ERP44: variants seen among roughly 807,000 people sequenced by gnomAD.
ERP44 encodes the protein endoplasmic reticulum resident protein 44.
ERP44 carries 25 observed loss-of-function variants against 53.4 expected under a neutral mutation model. The observed-to-expected ratio is 0.47, with a 90% CI of 0.34 to 0.65. The LOEUF (loss-of-function observed/expected upper bound fraction) is 0.65, where lower values mean the gene tolerates loss of function less well. Among genes scored for constraint, ERP44 ranks in the 30% least tolerant of loss-of-function variants. The pLI is 0.01. For missense variants in ERP44, 338 were observed against 493.2 expected, an observed-to-expected ratio of 0.69 and a Z score of 2.98; for synonymous variants, 145 against 161.2, an observed-to-expected ratio of 0.90 and a Z score of 0.76.
At chr9:100,093,636 C>G (rs1826587913) in intron 1 of ERP44, among the ~76,000 whole-genome samples, 1 of 151,590 alleles carries the variant, frequency 6.6e-6, no homozygotes, top group African/African-American at 2.4e-5. Context: ...CAGCAAGACC[C>G]TGTCTGTGGG....
intron 1 of ERP44, among the ~76,000 whole-genome samples, chr9:100,090,022 T>C (rs1826532776): frequency 1.3e-5 from 2 of 152,190 alleles, no homozygotes; most frequent in Non-Finnish European, 2.9e-5. Context: ...AACATTGTAA[T>C]ACTTTTGTTG....
intron 8 of ERP44, among the ~76,000 whole-genome samples, chr9:100,012,967 G>T (rs1830490278): frequency 6.6e-6 from 1 of 152,104 alleles, no homozygotes; most frequent in Non-Finnish European, 1.5e-5. Flanking sequence ...GTTGGAAATG[G>T]CAATGGACGC....
chr9:100,089,306 G>A (rs117342655), intron 1 of ERP44, among the ~76,000 whole-genome samples: 7 of 152,190 alleles, frequency 4.6e-5, no homozygotes, highest in East Asian at 1.9e-4. Context: ...GAGGCCAGGC[G>A]TGGTGGCTCA....
At chr9:100,096,391 G>T (rs575748866) in intron 1 of ERP44, among the ~76,000 whole-genome samples, 1 of 151,324 alleles carries the variant, frequency 6.6e-6, no homozygotes, top group South Asian at 2.1e-4. Flanking sequence ...CTATATAGAC[G>T]CAAATAAATA....
chr9:100,026,899 A>C (rs879878185), intron 4 of ERP44, among the ~76,000 whole-genome samples: 1 of 152,196 alleles, frequency 6.6e-6, no homozygotes, highest in Non-Finnish European at 1.5e-5. Context: ...CCTGTGTCCT[A>C]AGTATCAGTA....
At chr9:100,062,371 T>C (rs1009633799) in intron 1 of ERP44, among the ~76,000 whole-genome samples, 25 of 152,192 alleles carry the variant, frequency 1.6e-4, no homozygotes, top group Non-Finnish European at 3.5e-4. Flanking sequence ...TATCAATGTC[T>C]TAATAACAGA....
At chr9:100,067,996 C>T (rs1482318200) in intron 1 of ERP44, among the ~76,000 whole-genome samples, 1 of 150,356 alleles carries the variant, frequency 6.7e-6, no homozygotes, top group Non-Finnish European at 1.5e-5. Flanking sequence ...GGTCAGCCCC[C>T]GCCAGGCCAG....
At chr9:100,068,524 G>C (rs1398663757) in intron 1 of ERP44, among the ~76,000 whole-genome samples, 1 of 131,130 alleles carries the variant, frequency 7.6e-6, no homozygotes, top group Admixed American at 7.5e-5. Flanking sequence ...GGAGGTGGGG[G>C]TTCAGCCCCC....
intron 4 of ERP44, among the ~76,000 whole-genome samples, chr9:100,034,382 C>T (rs569532908): frequency 6.6e-6 from 1 of 152,218 alleles, no homozygotes; most frequent in South Asian, 2.1e-4. Flanking sequence ...CTAAAAAAGG[C>T]AGGAAGTTCC....
chr9:100,037,952 G>GA (rs1237971588), intron 4 of ERP44, among the ~76,000 whole-genome samples: 4 of 152,040 alleles, frequency 2.6e-5, no homozygotes, highest in Admixed American at 6.6e-5. Context: ...ACTGCTGAAG[G>GA]AAAAAGACTT....
chr9:100,082,311 G>T (rs930561651), intron 1 of ERP44, among the ~76,000 whole-genome samples: 2 of 151,106 alleles, frequency 1.3e-5, no homozygotes, highest in African/African-American at 4.9e-5. Flanking sequence ...AAACCACCAT[G>T]GCACATGTAT....
At chr9:100,005,295 T>A (rs1181725955) in intron 10 of ERP44, among the ~76,000 whole-genome samples, 1 of 152,214 alleles carries the variant, frequency 6.6e-6, no homozygotes, top group African/African-American at 2.4e-5. Flanking sequence ...GTCAGAGCAC[T>A]TATCCCTTAG....
intron 4 of ERP44, among the ~76,000 whole-genome samples, chr9:100,047,663 C>T (rs373202432): frequency 4.6e-5 from 7 of 152,280 alleles, no homozygotes; most frequent in African/African-American, 1.7e-4. Flanking sequence ...AGCTTCATGA[C>T]ATTAGATTGC....
At chr9:100,067,955 C>T (rs1380915668) in intron 1 of ERP44, among the ~76,000 whole-genome samples, 3 of 151,222 alleles carry the variant, frequency 2.0e-5, no homozygotes, top group Non-Finnish European at 3.0e-5. Context: ...CGTCTCCGCC[C>T]GGCAGCCACC....
At chr9:100,015,438 T>C (rs1204286946) in intron 8 of ERP44, among the ~76,000 whole-genome samples, 1 of 152,224 alleles carries the variant, frequency 6.6e-6, no homozygotes, top group Non-Finnish European at 1.5e-5. Context: ...TTTGTACTTG[T>C]TCCTCCAGCC....
chr9:100,088,821 A>C (rs956279953), intron 1 of ERP44, among the ~76,000 whole-genome samples: 3 of 152,160 alleles, frequency 2.0e-5, no homozygotes, highest in African/African-American at 7.2e-5. Flanking sequence ...TATTCTTCTA[A>C]AAGTTTTCTC....
chr9:100,045,928 T>A (rs1825961754), intron 4 of ERP44, among the ~76,000 whole-genome samples: 1 of 152,084 alleles, frequency 6.6e-6, no homozygotes, highest in African/African-American at 2.4e-5. Flanking sequence ...TTAAAGCTTT[T>A]AATTTGCAAA....
chr9:100,079,800 T>C (rs1210260112), intron 1 of ERP44, among the ~76,000 whole-genome samples: 1 of 151,896 alleles, frequency 6.6e-6, no homozygotes, highest in Non-Finnish European at 1.5e-5. Context: ...CTGGGCATAG[T>C]GGTGTATGCC....
rs571249373 is a variant in ERP44 at position 100,022,863 on chromosome 9, T to C, written c.287-637A>G. 3.3e-5 allele frequency among the ~76,000 whole-genome samples: 5 copies of C among 152,310 alleles called. No individual in the cohort carries two copies. The East Asian group carries it at 5.8e-4, about 18-fold the overall frequency. On this transcript the variant is annotated intron_variant, in intron 4 of 11. Transcript: ENST00000262455. ...GAAGGGGGGCTGGAGGAAAAGATTA[T>C]ATAACACTTTGGCAAACGAAGTAAC...
Sources: gnomAD v4.1 joint callset for allele counts (sites outside exome capture counted in the v4.1 genomes callset) on GRCh38, gnomAD v4.1.1 for gene constraint, MANE v1.5 for transcripts, NCBI Gene and HGNC (gene_info 2026-07-23, HGNC 2026-07-21) for gene names.